The following PNPLA7 variants were observed in gnomAD, a reference collection of about 807,000 sequenced individuals.
PNPLA7 encodes patatin-like phospholipase domain-containing protein 7.
A neutral mutation model predicts 161.7 loss-of-function variants in PNPLA7; 153 were observed. That is an observed-to-expected ratio of 0.95 (90% confidence interval 0.83 to 1.08). The LOEUF is 1.08. Among genes scored for constraint, PNPLA7 ranks in the 50% least tolerant of loss-of-function variants. The pLI is 0.00. For synonymous variants in PNPLA7, 809 were observed against 782.1 expected (o/e 1.03, Z -0.57); for missense variants, 1,739 against 1,856.6 (o/e 0.94, Z 1.16).
chr9:137,479,098 G>A lies in PNPLA7; in HGVS notation c.2721C>T (p.Cys907=). Residue 907 remains cysteine (C), a synonymous_variant, in exon 24 of 35, where the codon TGC becomes TGT. Transcript: ENST00000406427. ...RSWCSGHLHL[C]CPRRVFSRRS... is the part of the protein sequence containing the mutation. ...TCCTGGAGAAGACGCGGCGCGGGCA[G>A]CAGAGGTGCAGGTGGCCGGAGCACC... 1 of 1,599,838 alleles carries A rather than the reference G, an allele frequency of 6.3e-7. No homozygotes were observed. Among genetic ancestry groups the A allele is most frequent in the Admixed American group, 1.7e-5 (1 of 58,766 alleles).
chr9:137,472,017 TAGAGAA>T (rs2132103125), intron 25 of PNPLA7, among the ~76,000 whole-genome samples: 1 of 151,814 alleles, frequency 6.6e-6, no homozygotes, highest in African/African-American at 2.4e-5. Flanking sequence ...TCACTAAGGA[TAGAGAA>T]ACACACCAGT....
chr9:137,506,824 A>G (rs972681346), intron 12 of PNPLA7, among the ~76,000 whole-genome samples: 2 of 152,266 alleles, frequency 1.3e-5, no homozygotes, highest in African/African-American at 4.8e-5. Context: ...GGGGTCACGC[A>G]CTTCCAGGCA....
intron 12 of PNPLA7, among the ~76,000 whole-genome samples, chr9:137,506,998 C>T (rs999502684): frequency 5.3e-5 from 8 of 152,236 alleles, no homozygotes; most frequent in African/African-American, 1.4e-4. Context: ...AGCCACATGG[C>T]GCTGCGGGAA....
rs538984722 is a variant in PNPLA7 at position 137,500,157 on chromosome 9, G to C, written c.1757+534C>G. On this transcript the variant is annotated intron_variant, in intron 16 of 34. Coordinates refer to ENST00000406427, the MANE Select transcript of PNPLA7 (RefSeq NM_001098537.3). This position sits in a 1 kb window ranked among gnomAD's most constrained non-coding sequence, Gnocchi z 5.5. Reference sequence around the variant, plus strand: ...CAAGTGGACAGATGTCTTCCAGCCCGGAGCCTGGAAGGCGACACGGGCACA... The same window carrying C: ...CAAGTGGACAGATGTCTTCCAGCCCCGAGCCTGGAAGGCGACACGGGCACA... Among the ~76,000 whole-genome samples the C allele has an allele frequency of 6.6e-6, 1 of 152,228 alleles. No individual in the cohort carries two copies. The highest frequency in any genetic ancestry group is 1.5e-5 in the Non-Finnish European group (1 of 68,046).
At position 137,501,639 on chromosome 9, in the gene PNPLA7, C is replaced by A. The variant is rs749303004; in HGVS notation, c.1551+11G>T. On this transcript the variant is annotated intron_variant, in intron 15 of 34. Transcript: ENST00000406427. ...GGTGGTCCCAGTGCCCCCCCCCAGACCCCCGCTCACCTGGTCTCCCTGCCT... is the reference window on the plus strand; with the variant it reads ...GGTGGTCCCAGTGCCCCCCCCCAGAACCCCGCTCACCTGGTCTCCCTGCCT... 3 of 1,610,544 alleles carry A rather than the reference C, an allele frequency of 1.9e-6. No homozygotes were observed. The highest frequency in any genetic ancestry group is 1.7e-5 in the Admixed American group (1 of 59,790).
rs1832093395 is a variant in PNPLA7 at position 137,479,324 on chromosome 9, G to A, written c.2581-86C>T. The A allele has an allele frequency of 1.1e-5, 15 of 1,393,638 alleles. No individual in the cohort carries two copies. The South Asian group carries it at 2.2e-4, about 20-fold the overall frequency. The allele number at this position is 1,393,638 out of a possible 1,614,324, so 86.3% of individuals were successfully genotyped here. A position where few individuals can be genotyped will look rare whatever the true frequency, so the allele number is the denominator to read the frequency against. Reference sequence around the variant, plus strand: ...AGCTGAAGGCCAGCACAGAGGGTCTGAGGGCAGGACCCCGGGAGCAGCTCC... The same window carrying A: ...AGCTGAAGGCCAGCACAGAGGGTCTAAGGGCAGGACCCCGGGAGCAGCTCC... On this transcript the variant is annotated intron_variant, in intron 23 of 34. Transcript: ENST00000406427.
intron 13 of PNPLA7, 67 bp from the exon 14 acceptor site, chr9:137,505,827 G>A: frequency 6.3e-7 from 1 of 1,590,002 alleles, no homozygotes; most frequent in South Asian, 1.1e-5. Context: ...CAAGGGTGTG[G>A]TCAGGTCTGA....
chr9:137,526,298 T>A (rs1835297616), intron 8 of PNPLA7, among the ~76,000 whole-genome samples: 1 of 148,458 alleles, frequency 6.7e-6, no homozygotes, highest in African/African-American at 2.5e-5. Context: ...ATTTTCATCC[T>A]TTTTTTTTTA....
intron 22 of PNPLA7, 138 bp downstream of exon 22, chr9:137,480,822 G>A (rs556485212): frequency 3.1e-5 from 31 of 993,800 alleles, no homozygotes; most frequent in Non-Finnish European, 4.1e-5. Flanking sequence ...AGGGAGTCAC[G>A]TCATCAGCCC....
chr9:137,484,502 C>A, intron 21 of PNPLA7, 85 bp downstream of exon 21: 1 of 1,425,702 alleles, frequency 7.0e-7, no homozygotes, highest in South Asian at 1.5e-5. Context: ...CGCCGCGTCC[C>A]CTCGAAGACA....
At chr9:137,530,535 C>T (rs534096812) in intron 8 of PNPLA7, among the ~76,000 whole-genome samples, 6 of 152,336 alleles carry the variant, frequency 3.9e-5, no homozygotes, top group Middle Eastern at 3.4e-3. Flanking sequence ...GCAGAACCCT[C>T]GTGGGTGGCG....
At position 137,543,849 on chromosome 9, in the gene PNPLA7, C is replaced by G; in HGVS notation, c.274-34G>C. 6.4e-7 allele frequency: 1 copy of G among 1,565,606 alleles called. No individual in the cohort carries two copies. The highest frequency in any genetic ancestry group is 8.8e-7 in the Non-Finnish European group (1 of 1,136,616). On this transcript the variant is annotated intron_variant, in intron 4 of 34. Transcript: ENST00000406427. This position sits in a 1 kb window ranked among gnomAD's most constrained non-coding sequence, Gnocchi z 6.9. Reference sequence around the variant, plus strand: ...CCAAGGGAGAGACCAGCCACTGACCCTGCAAGCCGCAAGGTCCAAGCTCTT... The same window carrying G: ...CCAAGGGAGAGACCAGCCACTGACCGTGCAAGCCGCAAGGTCCAAGCTCTT...
chr9:137,547,801 G>A lies in PNPLA7; in HGVS notation c.31-142C>T. On this transcript the variant is annotated intron_variant, in intron 1 of 34. Coordinates refer to ENST00000406427, the MANE Select transcript of PNPLA7 (RefSeq NM_001098537.3). This position sits in a 1 kb window ranked among gnomAD's most constrained non-coding sequence, Gnocchi z 4.6. The stretch of plus-strand genomic sequence containing the variant: ...CTGGGAAGAAGTGATCTCGCCCGGG[G>A]TGCCGGGGTCCTCTGAGCCCCCTGC... 1 of 780,858 alleles carries A rather than the reference G, an allele frequency of 1.3e-6. No individual in the cohort carries two copies. The highest frequency in any genetic ancestry group is 1.6e-5 in the South Asian group (1 of 60,850). 48.4% of individuals were successfully genotyped at this position (780,858 alleles called of 1,614,324 possible). A position where few individuals can be genotyped will look rare whatever the true frequency, so the allele number is the denominator to read the frequency against.
chr9:137,501,613 G>T, intron 15 of PNPLA7, 37 bp downstream of exon 15: 1 of 1,592,228 alleles, frequency 6.3e-7, no homozygotes, highest in Non-Finnish European at 8.6e-7. Context: ...CTATGGCATT[G>T]GGTGGTCCCA....
chr9:137,464,744 T>C (rs1314006988), intron 26 of PNPLA7: 5 of 431,370 alleles, frequency 1.2e-5, no homozygotes, highest in African/African-American at 8.0e-5. Flanking sequence ...CCCCCATGCC[T>C]GGGGCCTCCT....
chr9:137,471,606 A>C (rs1564286203), intron 25 of PNPLA7, among the ~76,000 whole-genome samples: 1 of 151,746 alleles, frequency 6.6e-6, no homozygotes, highest in Non-Finnish European at 1.5e-5. Flanking sequence ...TCAAAAAAAA[A>C]AAAAAAAGAT....
At chr9:137,471,460 G>A (rs1409615915) in intron 25 of PNPLA7, among the ~76,000 whole-genome samples, 2 of 151,922 alleles carry the variant, frequency 1.3e-5, no homozygotes, top group Non-Finnish European at 2.9e-5. Context: ...TTAGCCGGGC[G>A]TGGTGGCAGG....
In PNPLA7 at chr9:137,474,635, C is replaced by T. The variant is rs140094768; in HGVS notation, c.2882+3399G>A. Among the ~76,000 whole-genome samples the T allele has an allele frequency of 3.6e-3, 551 of 152,192 alleles. 5 individuals are homozygous for T. The highest frequency in any genetic ancestry group is 0.013 in the African/African-American group (529 of 41,512). On this transcript the variant is annotated intron_variant, in intron 25 of 34. Coordinates refer to ENST00000406427, the MANE Select transcript of PNPLA7 (RefSeq NM_001098537.3). ...GAGAAAAATCTTCCAGAAAGTGGAACAGAAGGACAGAGATGAAGAATAGGG... is the reference window on the plus strand; with the variant it reads ...GAGAAAAATCTTCCAGAAAGTGGAATAGAAGGACAGAGATGAAGAATAGGG...
chr9:137,465,373 A>G (rs28370899), intron 26 of PNPLA7, among the ~76,000 whole-genome samples: 75,481 of 151,944 alleles, frequency 0.5, 21,275 homozygotes, highest in African/African-American at 0.76. Flanking sequence ...CAGCACGGAA[A>G]GAGGACCAGC....
Sources: allele counts gnomAD v4.1 joint callset (sites outside exome capture counted in the v4.1 genomes callset), GRCh38; gene constraint gnomAD v4.1.1; non-coding constraint Gnocchi (gnomAD v3.1); transcripts MANE v1.5; gene names NCBI Gene and HGNC (gene_info 2026-07-23, HGNC 2026-07-21).